The following HMGXB3 variants were observed in gnomAD, a reference collection of about 807,000 sequenced individuals.
HMGXB3 encodes HMG-box containing 3, also known as HMG domain-containing protein 3.
Under a neutral mutation model 121.5 loss-of-function variants are expected in HMGXB3, and 45 were observed. The ratio of observed to expected loss-of-function variants is 0.37; its 90% confidence interval spans 0.29 to 0.47. The LOEUF (loss-of-function observed/expected upper bound fraction) is 0.47. Ranked by LOEUF, HMGXB3 falls within the 20% of genes least tolerant of loss-of-function variation. HMGXB3 has a pLI of 0.99. For synonymous variants in HMGXB3, 590 were observed against 624.1 expected (o/e 0.95, Z 0.81); for missense variants, 1,376 against 1,602.2 (o/e 0.86, Z 2.41).
intron 6 of HMGXB3, among the ~76,000 whole-genome samples, chr5:150,023,340 C>T (rs1047125453): frequency 6.6e-6 from 1 of 152,008 alleles, no homozygotes; most frequent in Non-Finnish European, 1.5e-5. Context: ...TACTGAGAGC[C>T]CAACCCTTTG....
intron 19 of HMGXB3, among the ~76,000 whole-genome samples, chr5:150,051,096 C>T (rs1756877486): frequency 6.6e-6 from 1 of 152,232 alleles, no homozygotes; most frequent in East Asian, 1.9e-4. Flanking sequence ...AAAGGGGAAG[C>T]TAAGGCCCAG....
At chr5:150,037,012 T>A in intron 12 of HMGXB3, 75 bp downstream of exon 12, 2 of 1,247,404 alleles carry the variant, frequency 1.6e-6, no homozygotes, top group Non-Finnish European at 2.2e-6. Context: ...CAGAAAACAT[T>A]AAAACTATAA....
At chr5:150,008,872 G>T (rs944656123) in intron 3 of HMGXB3, among the ~76,000 whole-genome samples, 1 of 152,210 alleles carries the variant, frequency 6.6e-6, no homozygotes, top group Non-Finnish European at 1.5e-5. Context: ...CTCCATAAAA[G>T]ATTCAGTCCA....
intron 16 of HMGXB3, among the ~76,000 whole-genome samples, chr5:150,046,854 C>T (rs1041784446): frequency 6.7e-6 from 1 of 150,004 alleles, no homozygotes; most frequent in African/African-American, 2.5e-5. Context: ...CTGAGGTCCA[C>T]CTCATATTCC....
chr5:150,006,720 T>G, intron 3 of HMGXB3, 73 bp downstream of exon 3: 1 of 1,294,474 alleles, frequency 7.7e-7, no homozygotes, highest in Admixed American at 2.6e-5. Flanking sequence ...CCAAGCCCCT[T>G]GTTCTGTTTC....
chr5:150,014,805 T>G, intron 5 of HMGXB3: 1 of 431,660 alleles, frequency 2.3e-6, no homozygotes, highest in Non-Finnish European at 4.2e-6. Flanking sequence ...AATATTTAAC[T>G]TGGGAGGTGG....
intron 5 of HMGXB3, among the ~76,000 whole-genome samples, chr5:150,016,081 G>A (rs1186078308): frequency 2.6e-5 from 4 of 152,196 alleles, no homozygotes; most frequent in South Asian, 4.1e-4. Flanking sequence ...ACGGTGATAT[G>A]TGCCTGTAAC....
At chr5:150,035,419 T>TAC (rs1161148577) in intron 11 of HMGXB3, among the ~76,000 whole-genome samples, 1 of 152,184 alleles carries the variant, frequency 6.6e-6, no homozygotes, top group Non-Finnish European at 1.5e-5. Flanking sequence ...CTGACCCAAG[T>TAC]ACCTCCCTTT....
chr5:150,010,426 C>T lies in HMGXB3; in HGVS notation c.628C>T (p.Leu210Phe). The T allele has an allele frequency of 6.4e-7, 1 of 1,551,654 alleles. No individual in the cohort carries two copies. The change falls in exon 4 of 20, where the codon CTC (leucine) becomes TTC (phenylalanine). Residue 210 changes from leucine to phenylalanine, a missense_variant. Physicochemically the swap from Leu to Phe is conservative, Grantham distance 22. Coordinates refer to ENST00000502717, the MANE Select transcript of HMGXB3 (RefSeq NM_014983.3). The part of the protein sequence containing the change: ...AVQEIATSEI[L>F]SQDVLLEDAS... ...ACAGGAGATTGCCACCTCAGAGATC[C>T]TCAGCCAGGATGTGCTCCTAGAGGA...
chr5:150,043,791 C>T (rs1756692844), intron 15 of HMGXB3, among the ~76,000 whole-genome samples: 1 of 152,214 alleles, frequency 6.6e-6, no homozygotes, highest in Non-Finnish European at 1.5e-5. Flanking sequence ...AGCCCAAGGG[C>T]CTTGCCCAAG....
At chr5:150,040,417 A>G (rs1260916066) in intron 13 of HMGXB3, among the ~76,000 whole-genome samples, 1 of 152,004 alleles carries the variant, frequency 6.6e-6, no homozygotes, top group Non-Finnish European at 1.5e-5. Flanking sequence ...TAAAATAGAG[A>G]TGGGGCTTTG....
chr5:150,011,829 C>T (rs866828077), intron 4 of HMGXB3, among the ~76,000 whole-genome samples: 4 of 151,706 alleles, frequency 2.6e-5, no homozygotes, highest in African/African-American at 9.7e-5. Context: ...CCAGGCTGGT[C>T]TTGAACTCCT....
chr5:150,009,901 A>G (rs902821167), intron 3 of HMGXB3, among the ~76,000 whole-genome samples: 4 of 152,134 alleles, frequency 2.6e-5, no homozygotes, highest in Admixed American at 2.0e-4. Context: ...TGAATAAGCT[A>G]CATTGGCTAA....
intron 9 of HMGXB3, 37 bp downstream of exon 9, chr5:150,027,154 G>T: frequency 2.0e-6 from 3 of 1,507,794 alleles, no homozygotes; most frequent in Non-Finnish European, 2.7e-6. Flanking sequence ...CTGTTTGAGG[G>T]TCTGGCTGCT....
intron 1 of HMGXB3, among the ~76,000 whole-genome samples, chr5:150,004,149 TAGGCGTG>T (rs1284672567): frequency 6.6e-6 from 1 of 152,064 alleles, no homozygotes; most frequent in Non-Finnish European, 1.5e-5. Flanking sequence ...GCTGAGATTA[TAGGCGTG>T]AGTCACTGCG....
chr5:150,007,971 C>T (rs557551000), intron 3 of HMGXB3, among the ~76,000 whole-genome samples: 1 of 151,910 alleles, frequency 6.6e-6, no homozygotes, highest in African/African-American at 2.4e-5. Flanking sequence ...GTGGGAGGAT[C>T]ACTTGAGCCG....
rs569845470 is a variant in HMGXB3 at position 150,024,550 on chromosome 5, G to A, written c.1330G>A (p.Val444Ile). 3.2e-4 allele frequency: 500 copies of A among 1,551,730 alleles called. 4 individuals carry two copies. The South Asian group carries it at 5.5e-3, about 17-fold the overall frequency. ...TACAGCAGTCACTAAGACGCCAGTC[G>A]TCAAAAGTGGTGTGCAGCCTGAGGT... is the stretch of plus-strand genomic sequence containing the variant. ...CGTAVTKTPV[V>I]KSGVQPEVTL... The change falls in exon 7 of 20, where the codon GTC (valine) becomes ATC (isoleucine). Residue 444 changes from valine to isoleucine, a missense_variant. By Grantham distance (29) the Val-to-Ile change is conservative (BLOSUM62 3). This residue lies in a region of HMGXB3 where 1,116 missense variants were observed against 1,369.0 expected (regional missense o/e 0.82). Transcript: ENST00000502717.
chr5:150,020,990 G>A (rs1243782543), intron 6 of HMGXB3, among the ~76,000 whole-genome samples: 1 of 152,092 alleles, frequency 6.6e-6, no homozygotes, highest in Non-Finnish European at 1.5e-5. Flanking sequence ...TGATCCACCT[G>A]CCTCCCAAAG....
chr5:150,026,831 G>A lies in HMGXB3; in HGVS notation c.1586G>A (p.Arg529Gln), dbSNP rs565914929. Reference protein sequence around the residue: ...AILPAPVNVGRGSSMGLPRAR... With the variant: ...AILPAPVNVGQGSSMGLPRAR... ...TTGCCAGCCCCAGTTAACGTGGGGC[G>A]AGGCAGCAGCATGGGACTGCCCAGG... The change falls in exon 8 of 20, where the codon CGA becomes CAA. Residue 529 changes from arginine to glutamine, a missense_variant. By Grantham distance (43) the Arg-to-Gln change is conservative (BLOSUM62 1). Transcript: ENST00000502717. The A allele has an allele frequency of 1.9e-5, 29 of 1,541,872 alleles. No individual in the cohort carries two copies. In the African/African-American group the frequency reaches 3.7e-4, roughly 20 times the overall value.
Sources: allele counts gnomAD v4.1 joint callset (sites outside exome capture counted in the v4.1 genomes callset), GRCh38; gene constraint gnomAD v4.1.1; regional missense constraint gnomAD v4.1.1; transcripts MANE v1.5; gene names NCBI Gene and HGNC (gene_info 2026-07-23, HGNC 2026-07-21).